MYRIP: variants seen among roughly 807,000 people sequenced by gnomAD.
MYRIP encodes rab effector MyRIP.
Under a neutral mutation model 98.0 loss-of-function variants are expected in MYRIP, and 49 were observed. That is an observed-to-expected ratio of 0.50 (90% CI 0.40 to 0.63). The LOEUF (loss-of-function observed/expected upper bound fraction) is 0.63, where lower values mean the gene tolerates loss of function less well. MYRIP is among the 30% of genes least tolerant of loss of function. The pLI, the probability that MYRIP is intolerant of heterozygous loss-of-function variation, is 0.00. For synonymous variants in MYRIP, 404 were observed against 409.5 expected (o/e 0.99, Z 0.16); for missense variants, 1,004 against 1,058.2 (o/e 0.95, Z 0.71).
At chr3:39,946,558 G>A (rs966855895) in intron 2 of MYRIP, among the ~76,000 whole-genome samples, 2 of 152,116 alleles carry the variant, frequency 1.3e-5, no homozygotes, top group Non-Finnish European at 2.9e-5. Context: ...GTGCTGAGAC[G>A]GAGGAGCCAC....
At chr3:39,907,393 T>C (rs972572438) in intron 2 of MYRIP, among the ~76,000 whole-genome samples, 1 of 152,180 alleles carries the variant, frequency 6.6e-6, no homozygotes, top group Non-Finnish European at 1.5e-5. Flanking sequence ...ATTGCAGCCA[T>C]GTGATTAGGT....
intron 3 of MYRIP, among the ~76,000 whole-genome samples, chr3:40,139,630 T>C (rs1296470159): frequency 6.6e-6 from 1 of 152,206 alleles, no homozygotes; most frequent in Non-Finnish European, 1.5e-5. Flanking sequence ...CCCAGGCTGT[T>C]GTGCAGTGGC....
At chr3:40,130,861 T>C (rs1949623455) in intron 3 of MYRIP, among the ~76,000 whole-genome samples, 1 of 152,094 alleles carries the variant, frequency 6.6e-6, no homozygotes, top group Non-Finnish European at 1.5e-5. Context: ...TCTTCCTATA[T>C]TCCTATCCTG....
rs1284422687 is a variant in MYRIP at position 39,960,893 on chromosome 3, C to A, written c.110+59967C>A. On this transcript the variant is annotated intron_variant, in intron 2 of 16. Transcript: ENST00000302541. ...ATCTTCCTTCTGAAAATCGATACCT[C>A]CCCCTCATGAGTGTTGTGCTGTGCA... 1.3e-5 allele frequency among the ~76,000 whole-genome samples: 2 copies of A among 152,132 alleles called. 1 individual carries two copies. The highest frequency in any genetic ancestry group is 1.3e-4 in the Admixed American group (2 of 15,258).
chr3:40,218,657 C>G, intron 11 of MYRIP, among the ~76,000 whole-genome samples: 1 of 122,270 alleles, frequency 8.2e-6, no homozygotes, highest in African/African-American at 3.7e-5. Context: ...TATATATATA[C>G]ATACACACAC....
At chr3:39,954,859 G>A (rs549400652) in intron 2 of MYRIP, among the ~76,000 whole-genome samples, 6 of 152,204 alleles carry the variant, frequency 3.9e-5, no homozygotes, top group East Asian at 3.9e-4. Context: ...CCCATGGCAC[G>A]AGAACTACGT....
chr3:39,827,004 G>A (rs1941286622), intron 1 of MYRIP, among the ~76,000 whole-genome samples: 1 of 152,086 alleles, frequency 6.6e-6, no homozygotes, highest in Non-Finnish European at 1.5e-5. Context: ...TTCCCAAAAG[G>A]GAATATCTTT....
intron 1 of MYRIP, among the ~76,000 whole-genome samples, chr3:39,854,860 T>C (rs1942239625): frequency 6.6e-6 from 1 of 152,202 alleles, no homozygotes; most frequent in Admixed American, 6.5e-5. Context: ...TTCCCCCTTC[T>C]CCTAGGGGTG....
chr3:39,858,971 T>C (rs1942383724), intron 1 of MYRIP, among the ~76,000 whole-genome samples: 1 of 151,396 alleles, frequency 6.6e-6, no homozygotes, highest in Non-Finnish European at 1.5e-5. Flanking sequence ...ACTTTACACC[T>C]CAAGGAACTA....
chr3:39,890,921 AGTTTTGCTG>A (rs1192559632), intron 1 of MYRIP, among the ~76,000 whole-genome samples: 1 of 151,930 alleles, frequency 6.6e-6, no homozygotes, highest in Non-Finnish European at 1.5e-5. Flanking sequence ...GAAGAAGGGT[AGTTTTGCTG>A]GTGTTTGCTG....
chr3:40,159,624 AG>A (rs1950332055), intron 4 of MYRIP, among the ~76,000 whole-genome samples: 1 of 151,996 alleles, frequency 6.6e-6, no homozygotes, highest in Non-Finnish European at 1.5e-5. Flanking sequence ...CGTCACTTTC[AG>A]GTACACCAAT....
At chr3:39,975,277 T>C (rs1005793824) in intron 2 of MYRIP, among the ~76,000 whole-genome samples, 2 of 152,092 alleles carry the variant, frequency 1.3e-5, no homozygotes, top group Admixed American at 1.3e-4. Flanking sequence ...AGCCAAATCA[T>C]GAGTGAACTC....
chr3:39,935,305 C>T (rs769200080), intron 2 of MYRIP, among the ~76,000 whole-genome samples: 5 of 152,116 alleles, frequency 3.3e-5, no homozygotes, highest in Non-Finnish European at 7.3e-5. Context: ...GGTATGGAAA[C>T]ACTGGAGCAC....
intron 2 of MYRIP, among the ~76,000 whole-genome samples, chr3:39,959,778 A>T (rs1032052793): frequency 6.6e-6 from 1 of 152,166 alleles, no homozygotes; most frequent in African/African-American, 2.4e-5. Flanking sequence ...TCAATTCAAT[A>T]TAATTAAATA....
Position 40,169,400 on chromosome 3 carries a change from G to A in MYRIP, c.730-550G>A, listed in dbSNP as rs189680397. ...GTTGAAAGCCCAGAGACCTTGGTAC[G>A]GATGGACTCACTAAATCCAAATGAC... On this transcript the variant is annotated intron_variant, in intron 7 of 16. Coordinates refer to ENST00000302541, the MANE Select transcript of MYRIP (RefSeq NM_015460.4). Among the ~76,000 whole-genome samples the A allele has an allele frequency of 9.9e-5, 15 of 152,270 alleles. No individual in the cohort carries two copies. In the East Asian group the frequency reaches 1.7e-3, roughly 18 times the overall value.
intron 16 of MYRIP, among the ~76,000 whole-genome samples, chr3:40,254,356 T>G (rs1953500305): frequency 6.6e-6 from 1 of 150,634 alleles, no homozygotes; most frequent in Non-Finnish European, 1.5e-5. Flanking sequence ...TGAATCTGCA[T>G]TTTTTTTTAC....
At chr3:39,988,614 C>T (rs767583222) in intron 2 of MYRIP, among the ~76,000 whole-genome samples, 4 of 151,412 alleles carry the variant, frequency 2.6e-5, no homozygotes, top group African/African-American at 4.9e-5. Context: ...TTTTCCAGCT[C>T]GGTTCCATTC....
At chr3:39,975,384 A>C (rs1318739932) in intron 2 of MYRIP, among the ~76,000 whole-genome samples, 2 of 151,978 alleles carry the variant, frequency 1.3e-5, no homozygotes, top group African/African-American at 2.4e-5. Flanking sequence ...ACCACTGCTC[A>C]AGGAAATAAA....
intron 1 of MYRIP, among the ~76,000 whole-genome samples, chr3:39,817,888 T>C (rs1940973964): frequency 6.6e-6 from 1 of 152,202 alleles, no homozygotes; most frequent in Non-Finnish European, 1.5e-5. Flanking sequence ...TTTACTGTGA[T>C]ATTTTAAGTG....
Sources: gnomAD v4.1 joint callset for allele counts (sites outside exome capture counted in the v4.1 genomes callset) on GRCh38, gnomAD v4.1.1 for gene constraint, MANE v1.5 for transcripts, NCBI Gene and HGNC (gene_info 2026-07-23, HGNC 2026-07-21) for gene names.